PRICKLE3: variants seen among roughly 807,000 people sequenced by gnomAD.
PRICKLE3 encodes the protein LIM domain only protein 6.
A neutral mutation model predicts 33.8 loss-of-function variants in PRICKLE3; 17 were observed. The observed-to-expected ratio is 0.50, with a 90% CI of 0.34 to 0.75. The LOEUF (loss-of-function observed/expected upper bound fraction) is 0.75. Ranked by LOEUF, PRICKLE3 falls within the 30% of genes least tolerant of loss-of-function variation. The probability of loss-of-function intolerance (pLI) is 0.01; values close to 1 mark genes in which losing one functional copy is unlikely to be tolerated. For missense variants in PRICKLE3, 573 were observed against 576.7 expected (o/e 0.99, Z 0.07); for synonymous variants, 211 against 219.6 (o/e 0.96, Z 0.34).
In PRICKLE3 at chrX:49,177,121, C is replaced by G. The variant is rs371383789; in HGVS notation, c.1037G>C (p.Arg346Pro). 8.3e-7 allele frequency: 1 copy of G among 1,199,126 alleles called. No homozygotes were observed. Among genetic ancestry groups the G allele is most frequent in the Non-Finnish European group, 1.1e-6 (1 of 890,113 alleles). The change falls in exon 8 of 9, where the codon CGG (arginine) becomes CCG (proline). Residue 346 changes from arginine (R) to proline (P), a missense_variant. Coordinates refer to ENST00000599218, the MANE Select transcript of PRICKLE3 (RefSeq NM_006150.5). ...CAGGAATGGGCGGCCCAGCAGGGCC[C>G]GCCCACAGCGACTACAGCAGAAGCA... ...DRCFCCSRCG[R>P]ALLGRPFLPR... is the part of the protein sequence containing the mutation.
intron 3 of PRICKLE3, 174 bp from the exon 4 acceptor site, chrX:49,179,980 A>C (rs1602600507): frequency 1.4e-5 from 4 of 278,721 alleles, no homozygotes; most frequent in East Asian, 6.8e-5. Flanking sequence ...GCTCCCAAAC[A>C]CGCTGAGGGT....
At chrX:49,183,284 C>T (rs782635053) in intron 3 of PRICKLE3, among the ~76,000 whole-genome samples, 1 of 111,213 alleles carries the variant, frequency 9.0e-6, no homozygotes, top group Non-Finnish European at 1.9e-5. Flanking sequence ...AGTGGGGCCA[C>T]GCATGGTGGC....
intron 8 of PRICKLE3, among the ~76,000 whole-genome samples, chrX:49,176,506 A>G (rs782776733): frequency 3.7e-5 from 4 of 108,788 alleles, no homozygotes; most frequent in African/African-American, 1.3e-4. Context: ...GGGCGTGGCC[A>G]GGGCACCCGG....
rs373958315 is a variant in PRICKLE3, at chrX:49,177,220, G to A, written c.956-18C>T. 1.8e-6 allele frequency: 2 copies of A among 1,127,586 alleles called. No individual in the cohort carries two copies. The highest frequency in any genetic ancestry group is 2.1e-5 in the South Asian group (1 of 46,994). 92.9% of individuals were successfully genotyped at this position (1,127,586 alleles called of 1,213,427 possible). On this transcript the variant is annotated intron_variant, in intron 7 of 8. Transcript: ENST00000599218. ...GTCCAGGCCTGTGGGGAACGACGAG[G>A]GGGAAAAACTGAGGCAGAACCCCCA...
rs782099503 is a variant in PRICKLE3 at position 49,175,716 on chromosome X, C to A, written c.1805G>T (p.Gly602Val). Residue 602 changes from glycine to valine, a missense_variant, in exon 9 of 9, where the codon GGG becomes GTG. Gly to Val is a moderately radical substitution (Grantham distance 109, BLOSUM62 -3). Coordinates refer to ENST00000599218, the MANE Select transcript of PRICKLE3 (RefSeq NM_006150.5). Reference protein sequence around the residue: ...SLSLPRDSRAGMPRQARDKNC... With the variant: ...SLSLPRDSRAVMPRQARDKNC... ...CTTGTCTCGGGCCTGACGAGGCATC[C>A]CTGCGCGAGAGTCCCTGGGGAGCGA... The A allele has an allele frequency of 4.1e-6, 5 of 1,209,918 alleles. 1 individual carries two copies. The African/African-American group carries it at 7.0e-5, about 17-fold the overall frequency.
chrX:49,176,816 T>A, intron 8 of PRICKLE3, 87 bp downstream of exon 8: 3 of 973,705 alleles, frequency 3.1e-6, no homozygotes, highest in Non-Finnish European at 4.1e-6. Flanking sequence ...CCTGGGCTAG[T>A]CAAGAAGGAA....
intron 3 of PRICKLE3, among the ~76,000 whole-genome samples, chrX:49,180,851 C>T (rs1279187675): frequency 3.6e-5 from 4 of 111,408 alleles, no homozygotes; most frequent in African/African-American, 1.3e-4. Context: ...ATGACAAACA[C>T]ATACGTCCAG....
In PRICKLE3 at chrX:49,175,710, G is replaced by A; in HGVS notation, c.1811C>T (p.Pro604Leu). 8.3e-7 allele frequency: 1 copy of A among 1,211,713 alleles called. No individual in the cohort carries two copies. The part of the protein sequence containing the change: ...SLPRDSRAGM[P>L]RQARDKNCIV... ...GCAGTTCTTGTCTCGGGCCTGACGA[G>A]GCATCCCTGCGCGAGAGTCCCTGGG... is the stretch of plus-strand genomic sequence containing the variant. The change falls in exon 9 of 9, where the codon CCT (proline) becomes CTT (leucine). Residue 604 changes from proline (P) to leucine (L), a missense_variant. By Grantham distance (98) the Pro-to-Leu change is moderately conservative (BLOSUM62 -3). Transcript: ENST00000599218.
chrX:49,184,561 T>C (rs1285995779), intron 2 of PRICKLE3, 64 bp downstream of exon 2: 1 of 993,460 alleles, frequency 1.0e-6, no homozygotes, highest in South Asian at 2.5e-5. Flanking sequence ...GGCGTAAGGC[T>C]CCTGGATTTC....
intron 3 of PRICKLE3, among the ~76,000 whole-genome samples, chrX:49,183,225 A>G (rs940536262): frequency 8.9e-6 from 1 of 111,775 alleles, no homozygotes; most frequent in Non-Finnish European, 1.9e-5. Context: ...TGAATGAGTC[A>G]ATCAATGAAG....
rs782469839 is a variant in PRICKLE3, at chrX:49,177,048, G to C, written c.1110C>G (p.Ser370=). 13 of 1,208,857 alleles carry C rather than the reference G, an allele frequency of 1.1e-5. No homozygotes were observed. The Admixed American group carries it at 1.3e-4, about 12-fold the overall frequency. Residue 370 remains serine (S), a synonymous_variant, in exon 8 of 9, where the codon TCC becomes TCG. Coordinates refer to ENST00000599218, the MANE Select transcript of PRICKLE3 (RefSeq NM_006150.5). The part of the protein sequence containing the change: ...IFCSRACSLG[S]EPTAPGPSRR... ...GGCTCGGCCCTGGAGCTGTGGGCTC[G>C]GACCCAAGGCTGCAGGCTCGAGAGC...
chrX:49,179,882 A>G, intron 3 of PRICKLE3, 76 bp from the exon 4 acceptor site: 1 of 549,505 alleles, frequency 1.8e-6, no homozygotes, highest in Non-Finnish European at 2.9e-6. Flanking sequence ...GCGGGTCCCC[A>G]TTTCTCAGAA....
intron 3 of PRICKLE3, 74 bp from the exon 4 acceptor site, chrX:49,179,880 C>G (rs915768790): frequency 1.8e-6 from 1 of 558,267 alleles, no homozygotes; most frequent in Non-Finnish European, 2.8e-6. Flanking sequence ...TGGCGGGTCC[C>G]CATTTCTCAG....
intron 1 of PRICKLE3, among the ~76,000 whole-genome samples, chrX:49,185,473 C>A (rs954697949): frequency 1.2e-4 from 13 of 111,941 alleles, no homozygotes; most frequent in African/African-American, 4.2e-4. Flanking sequence ...TCAAAAACTC[C>A]CTTGCTCAGG....
At chrX:49,183,686 A>G in intron 3 of PRICKLE3, 48 bp downstream of exon 3, 23 of 1,208,612 alleles carry the variant, frequency 1.9e-5, no homozygotes, top group Non-Finnish European at 2.6e-5. Flanking sequence ...TGTGAGCATT[A>G]GTGTGCACCC....
At chrX:49,178,563 G>A (rs1317878049) in intron 5 of PRICKLE3, 88 bp from the exon 6 acceptor site, 1 of 943,560 alleles carries the variant, frequency 1.1e-6, no homozygotes, top group Non-Finnish European at 1.5e-6. Flanking sequence ...GTTACACTTG[G>A]GCCTTTCCCA....
At chrX:49,182,698 C>T (rs1352598842) in intron 3 of PRICKLE3, among the ~76,000 whole-genome samples, 5 of 112,055 alleles carry the variant, frequency 4.5e-5, no homozygotes, top group African/African-American at 9.7e-5. Context: ...TCTCTCCTTC[C>T]CTCTCTCTTT....
chrX:49,179,238 C>T lies in PRICKLE3; in HGVS notation c.564+13G>A, dbSNP rs1181157342. 1 of 1,207,409 alleles carries T rather than the reference C, an allele frequency of 8.3e-7. No individual in the cohort carries two copies. Among genetic ancestry groups the T allele is most frequent in the Non-Finnish European group, 1.1e-6 (1 of 893,624 alleles). ...GAGGCACTGCTCACTCGCTGAGGCC[C>T]TCCACGGCTCACCTCCTCACAGATG... On this transcript the variant is annotated intron_variant, in intron 5 of 8. Coordinates refer to ENST00000599218, the MANE Select transcript of PRICKLE3 (RefSeq NM_006150.5).
chrX:49,177,248 C>T (rs782807768), intron 7 of PRICKLE3, 46 bp from the exon 8 acceptor site: 7 of 1,070,629 alleles, frequency 6.5e-6, no homozygotes, highest in Middle Eastern at 3.0e-4. Flanking sequence ...AACCCCCAGG[C>T]GTAACCCCAC....
Sources: allele counts gnomAD v4.1 joint callset (sites outside exome capture counted in the v4.1 genomes callset), GRCh38; gene constraint gnomAD v4.1.1; transcripts MANE v1.5; gene names NCBI Gene and HGNC (gene_info 2026-07-23, HGNC 2026-07-21).